Variants in EYA4 observed in about 807,000 individuals in gnomAD.
EYA4 encodes EYA transcriptional coactivator and phosphatase 4.
A neutral mutation model predicts 87.9 loss-of-function variants in EYA4; 31 were observed. That is an observed-to-expected ratio of 0.35 (90% CI 0.27 to 0.48). EYA4 has a LOEUF of 0.48. Ranked by LOEUF, EYA4 falls within the 20% of genes least tolerant of loss-of-function variation. The probability of loss-of-function intolerance (pLI) is 0.99; values close to 1 mark genes in which losing one functional copy is unlikely to be tolerated. For synonymous variants in EYA4, 263 were observed against 270.6 expected (o/e 0.97, Z 0.28); for missense variants, 678 against 761.4 (o/e 0.89, Z 1.29).
At chr6:133,516,336 G>T (rs1285059038) in intron 17 of EYA4, among the ~76,000 whole-genome samples, 1 of 151,692 alleles carries the variant, frequency 6.6e-6, no homozygotes, top group Non-Finnish European at 1.5e-5. Context: ...AAAACCCCGT[G>T]ACCTATATAG....
At chr6:133,257,312 G>C (rs1775415111) in intron 1 of EYA4, among the ~76,000 whole-genome samples, 1 of 152,068 alleles carries the variant, frequency 6.6e-6, no homozygotes, top group South Asian at 2.1e-4. Flanking sequence ...TAAACATGTG[G>C]GGTAGCCTGG....
At position 133,422,930 on chromosome 6, in the gene EYA4, AAC is replaced by A. The variant is rs527714611; in HGVS notation, c.84-23698_84-23697del. ...GTGAAGTTCTTTCTGTATCTCTGGC[AAC>A]AGTTTTGTTTTCTCTCTCTACCCAC... is the stretch of plus-strand genomic sequence containing the variant. On this transcript the variant is annotated intron_variant, in intron 3 of 19. Coordinates refer to ENST00000355286, the MANE Select transcript of EYA4 (RefSeq NM_004100.5). Among the ~76,000 whole-genome samples, 577 of 152,236 alleles carry A rather than the reference AAC, an allele frequency of 3.8e-3. 3 individuals are homozygous for A. The highest frequency in any genetic ancestry group is 0.013 in the African/African-American group (534 of 41,540).
chr6:133,291,433 T>A (rs1184046151), intron 2 of EYA4, among the ~76,000 whole-genome samples: 1 of 152,208 alleles, frequency 6.6e-6, no homozygotes, highest in Non-Finnish European at 1.5e-5. Flanking sequence ...TGATAACTAC[T>A]GCATATAATC....
At position 133,531,060 on chromosome 6, in the gene EYA4, C is replaced by A; in HGVS notation, c.*2255C>A. ...TGGCATTACATCTAAATTTGTAAGT[C>A]TTTTCATATCAAACAAGCAAGGCTT... On this transcript the variant is annotated 3_prime_UTR_variant, in exon 20 of 20. Coordinates refer to ENST00000355286, the MANE Select transcript of EYA4 (RefSeq NM_004100.5). The A allele has an allele frequency of 7.1e-7, 1 of 1,400,534 alleles. No homozygotes were observed. The highest frequency in any genetic ancestry group is 9.3e-7 in the Non-Finnish European group (1 of 1,080,102). The allele number at this position is 1,400,534 out of a possible 1,614,324, so 86.8% of individuals were successfully genotyped here.
chr6:133,518,472 C>G (rs897435398), intron 17 of EYA4, among the ~76,000 whole-genome samples: 2 of 152,026 alleles, frequency 1.3e-5, no homozygotes, highest in Non-Finnish European at 2.9e-5. Context: ...GCTTTTGCAC[C>G]AACCCAATAG....
intron 1 of EYA4, among the ~76,000 whole-genome samples, chr6:133,251,345 A>C (rs1582746244): frequency 6.6e-6 from 1 of 152,314 alleles, no homozygotes; most frequent in Middle Eastern, 3.4e-3. Context: ...ACTTTTTAAA[A>C]GGTAGCTTTA....
chr6:133,504,973 T>A (rs1355308803), intron 13 of EYA4, among the ~76,000 whole-genome samples: 1 of 152,212 alleles, frequency 6.6e-6, no homozygotes. Context: ...AATCACCCTC[T>A]GAGGTCTTCC....
At chr6:133,418,853 G>A (rs139830083) in intron 3 of EYA4, among the ~76,000 whole-genome samples, 6 of 152,114 alleles carry the variant, frequency 3.9e-5, no homozygotes, top group East Asian at 3.9e-4. Context: ...GAGAGAAAAC[G>A]GTAAACCCAG....
chr6:133,501,373 G>C (rs1562493164), intron 13 of EYA4, among the ~76,000 whole-genome samples: 1 of 151,888 alleles, frequency 6.6e-6, no homozygotes, highest in East Asian at 1.9e-4. Flanking sequence ...TCTGCTCTCT[G>C]CTTGGAATTT....
chr6:133,314,789 A>G (rs1780501894), intron 2 of EYA4, among the ~76,000 whole-genome samples: 1 of 152,206 alleles, frequency 6.6e-6, no homozygotes, highest in South Asian at 2.1e-4. Flanking sequence ...AAACATGTTT[A>G]GCTCCTAAAA....
At chr6:133,279,669 C>G (rs188919505) in intron 2 of EYA4, among the ~76,000 whole-genome samples, 1 of 151,998 alleles carries the variant, frequency 6.6e-6, no homozygotes. Context: ...TTATTTTTAT[C>G]TCTCTCTTGT....
chr6:133,268,834 C>G (rs756890034), intron 1 of EYA4, among the ~76,000 whole-genome samples: 2 of 152,062 alleles, frequency 1.3e-5, no homozygotes, highest in African/African-American at 4.8e-5. Flanking sequence ...GGAAGGTGGG[C>G]GTGTGAGCTA....
intron 1 of EYA4, among the ~76,000 whole-genome samples, chr6:133,253,133 C>G (rs943812272): frequency 1.3e-5 from 2 of 152,018 alleles, no homozygotes; most frequent in African/African-American, 4.8e-5. Flanking sequence ...CTGCATAGCT[C>G]CTTGTTAGCA....
chr6:133,302,979 G>A (rs1779527898), intron 2 of EYA4, among the ~76,000 whole-genome samples: 1 of 152,126 alleles, frequency 6.6e-6, no homozygotes, highest in Non-Finnish European at 1.5e-5. Flanking sequence ...GCTTAACTCT[G>A]CTATTGAAGG....
Position 133,531,546 on chromosome 6 carries a change from G to A in EYA4, c.*2741G>A, listed in dbSNP as rs995121778. On this transcript the variant is annotated 3_prime_UTR_variant, in exon 20 of 20. Coordinates refer to ENST00000355286, the MANE Select transcript of EYA4 (RefSeq NM_004100.5). ...TGTATACAGCTTGGTATATTACTAC[G>A]AAAGATAACCACCTTGTGTTGCACC... The A allele has an allele frequency of 1.0e-5, 3 of 294,748 alleles. No homozygotes were observed. The highest frequency in any genetic ancestry group is 5.9e-5 in the East Asian group (1 of 16,966). The allele number at this position is 294,748 out of a possible 1,614,324, so 18.3% of individuals were successfully genotyped here.
At chr6:133,326,402 A>G (rs1329582956) in intron 2 of EYA4, among the ~76,000 whole-genome samples, 1 of 152,224 alleles carries the variant, frequency 6.6e-6, no homozygotes, top group East Asian at 1.9e-4. Context: ...TGGATTTGGG[A>G]TGCTCAACTG....
intron 3 of EYA4, among the ~76,000 whole-genome samples, chr6:133,392,774 T>A (rs1787416638): frequency 6.6e-6 from 1 of 152,156 alleles, no homozygotes; most frequent in South Asian, 2.1e-4. Flanking sequence ...CTTGCATTGT[T>A]CTTTAGAGAT....
At chr6:133,391,412 A>G (rs1185538950) in intron 3 of EYA4, among the ~76,000 whole-genome samples, 1 of 152,054 alleles carries the variant, frequency 6.6e-6, no homozygotes, top group Non-Finnish European at 1.5e-5. Flanking sequence ...TAACTCGGGA[A>G]AAGAGGGCTT....
At position 133,468,575 on chromosome 6, in the gene EYA4, T is replaced by C. The variant is rs1429400124; in HGVS notation, c.814T>C (p.Ser272Pro). The change falls in exon 11 of 20, where the codon TCC becomes CCC. Residue 272 changes from serine to proline, a missense_variant. Ser to Pro is a moderately conservative substitution (Grantham distance 74). Coordinates refer to ENST00000355286, the MANE Select transcript of EYA4 (RefSeq NM_004100.5). ...TCAATTATTGTTTCAGGATTATCCA[T>C]CCTATACAGCCTTTGGCCAAAACCA... ...NFSGSQQDYP[S>P]YTAFGQNQYA... The C allele has an allele frequency of 3.7e-6, 6 of 1,610,190 alleles. No homozygotes were observed. The highest frequency in any genetic ancestry group is 5.1e-6 in the Non-Finnish European group (6 of 1,176,796).
Sources: allele counts gnomAD v4.1 joint callset (sites outside exome capture counted in the v4.1 genomes callset), GRCh38; gene constraint gnomAD v4.1.1; transcripts MANE v1.5; gene names NCBI Gene and HGNC (gene_info 2026-07-23, HGNC 2026-07-21).